The following KCNJ1 variants were observed in gnomAD, a reference collection of about 807,000 sequenced individuals.
The protein encoded by KCNJ1 is potassium inwardly rectifying channel subfamily J member 1, also known as ATP-sensitive inward rectifier potassium channel 1.
KCNJ1 carries 24 observed loss-of-function variants against 21.9 expected under a neutral mutation model. The ratio of observed to expected loss-of-function variants is 1.10; its 90% CI spans 0.79 to 1.54. The LOEUF (loss-of-function observed/expected upper bound fraction) is 1.54. Among genes scored for constraint, KCNJ1 ranks in the 40% most tolerant of loss-of-function variants. The pLI is 0.00. For missense variants in KCNJ1, 457 were observed against 455.4 expected (o/e 1.00, Z -0.03); for synonymous variants, 152 against 160.9 (o/e 0.94, Z 0.42).
At position 128,839,976 on chromosome 11, in the gene KCNJ1, G is replaced by A. The variant is rs747383448; in HGVS notation, c.268C>T (p.Leu90Phe). The A allele has an allele frequency of 6.2e-7, 1 of 1,614,156 alleles. No homozygotes were observed. Among genetic ancestry groups the A allele is most frequent in the South Asian group, 1.1e-5 (1 of 91,078 alleles). The change falls in exon 3 of 3, where the codon CTC becomes TTC. Residue 90 changes from leucine to phenylalanine, a missense_variant. Transcript: ENST00000392666. ...WYAVAYIHKD[L>F]PEFHPSANHT... ...TTGGCAGAAGGATGGAATTCCGGGA[G>A]GTCTTTGTGAATGTACGCTACTGCA...
rs142295169 is a variant in KCNJ1 at position 128,855,926 on chromosome 11, G to A, written c.-191-5036C>T. Among the ~76,000 whole-genome samples, 82 of 152,302 alleles carry A rather than the reference G, an allele frequency of 5.4e-4. 1 individual carries two copies. In the East Asian group the frequency reaches 0.014, roughly 25 times the overall value. The stretch of plus-strand genomic sequence containing the variant: ...GCTCTCACCTGCCAGACCCAAGGAC[G>A]GTACCACTGTGCCTGTGTGAGCTGC... On this transcript the variant is annotated intron_variant, in intron 1 of 2. Coordinates refer to ENST00000392666, the MANE Select transcript of KCNJ1 (RefSeq NM_153766.3).
At chr11:128,849,798 G>A (rs974037008) in intron 2 of KCNJ1, among the ~76,000 whole-genome samples, 1 of 152,152 alleles carries the variant, frequency 6.6e-6, no homozygotes, top group Admixed American at 6.5e-5. Context: ...GACATCTGTA[G>A]GCCTCTACAG....
Position 128,838,265 on chromosome 11 carries a change from CCT to C in KCNJ1, c.*858_*859del, listed in dbSNP as rs999142531. The stretch of plus-strand genomic sequence containing the variant: ...TCTGACTGTGGGGCTCCATCCCATT[CCT>C]CTCTCTTTCCCACTTCTTCTTTAGA... On this transcript the variant is annotated 3_prime_UTR_variant, in exon 3 of 3. Coordinates refer to ENST00000392666, the MANE Select transcript of KCNJ1 (RefSeq NM_153766.3). 4 of 152,614 alleles carry C rather than the reference CCT, an allele frequency of 2.6e-5. No individual in the cohort carries two copies. Among genetic ancestry groups the C allele is most frequent in the African/African-American group, 9.7e-5 (4 of 41,440 alleles). The allele number at this position is 152,614 out of a possible 1,614,324, so 9.5% of individuals were successfully genotyped here. A position where few individuals can be genotyped will look rare whatever the true frequency, so the allele number is the denominator to read the frequency against.
chr11:128,856,465 G>A (rs1591417858), intron 1 of KCNJ1, among the ~76,000 whole-genome samples: 1 of 152,330 alleles, frequency 6.6e-6, no homozygotes, highest in South Asian at 2.1e-4. Context: ...AGAGTGCAGG[G>A]CAGAGAGAGG....
At chr11:128,864,925 T>C (rs995259972) in intron 1 of KCNJ1, among the ~76,000 whole-genome samples, 1 of 151,966 alleles carries the variant, frequency 6.6e-6, no homozygotes, top group Non-Finnish European at 1.5e-5. Flanking sequence ...TTCCACAATG[T>C]AAATAAGATC....
At chr11:128,850,994 C>T (rs1296355550) in intron 1 of KCNJ1, 104 bp from the exon 2 acceptor site, 2 of 468,450 alleles carry the variant, frequency 4.3e-6, no homozygotes, top group African/African-American at 4.2e-5. Flanking sequence ...ACACACAGGA[C>T]CCTCCACATC....
chr11:128,858,588 G>C (rs958948662), intron 1 of KCNJ1, among the ~76,000 whole-genome samples: 5 of 152,236 alleles, frequency 3.3e-5, no homozygotes, highest in African/African-American at 4.8e-5. Context: ...CTTGAAACTA[G>C]TTCAGTTGGG....
intron 1 of KCNJ1, among the ~76,000 whole-genome samples, chr11:128,863,783 G>A (rs1184554862): frequency 6.6e-6 from 1 of 152,176 alleles, no homozygotes; most frequent in Non-Finnish European, 1.5e-5. Context: ...ATCCTCAATA[G>A]TTTTGAAGCG....
intron 1 of KCNJ1, among the ~76,000 whole-genome samples, chr11:128,858,732 T>G (rs1342942743): frequency 6.6e-6 from 1 of 152,210 alleles, no homozygotes; most frequent in African/African-American, 2.4e-5. Context: ...ACAGCATTAC[T>G]ATTCCCAGTG....
chr11:128,840,838 G>A (rs1943270659), intron 2 of KCNJ1, among the ~76,000 whole-genome samples: 1 of 152,110 alleles, frequency 6.6e-6, no homozygotes, highest in Non-Finnish European at 1.5e-5. Flanking sequence ...TTTATCAAAT[G>A]AGAAAACTGA....
At chr11:128,844,252 C>T (rs1943340815) in intron 2 of KCNJ1, among the ~76,000 whole-genome samples, 1 of 152,128 alleles carries the variant, frequency 6.6e-6, no homozygotes. Context: ...GGAAAGAAAA[C>T]ATGGGGGAGC....
At position 128,839,861 on chromosome 11, in the gene KCNJ1, C is replaced by T; in HGVS notation, c.383G>A (p.Arg128Lys). 1 of 1,614,136 alleles carries T rather than the reference C, an allele frequency of 6.2e-7. No homozygotes were observed. The highest frequency in any genetic ancestry group is 8.5e-7 in the Non-Finnish European group (1 of 1,180,018). The change falls in exon 3 of 3, where the codon AGG becomes AAG. Residue 128 changes from arginine (R) to lysine (K), a missense_variant. Transcript: ENST00000392666. ...ETQVTIGYGFRCVTEQCATAI... is the reference protein window; with the variant it reads ...ETQVTIGYGFKCVTEQCATAI... ...AGTGGCACACTGTTCTGTCACACAC[C>T]TGAATCCATATCCAATGGTCACTTG...
At position 128,839,739 on chromosome 11, in the gene KCNJ1, G is replaced by T. The variant is rs138120505; in HGVS notation, c.505C>A (p.Arg169Ser). 4 of 1,613,726 alleles carry T rather than the reference G, an allele frequency of 2.5e-6. No homozygotes were observed. The highest frequency in any genetic ancestry group is 1.1e-5 in the South Asian group (1 of 91,082). Residue 169 changes from arginine (R) to serine (S), a missense_variant, in exon 3 of 3, where the codon CGT (arginine) becomes AGT (serine). Arg to Ser is a moderately radical substitution (Grantham distance 110, BLOSUM62 -1). Coordinates refer to ENST00000392666, the MANE Select transcript of KCNJ1 (RefSeq NM_153766.3). Reference protein sequence around the residue: ...ILAKISRPKKRAKTITFSKNA... With the variant: ...ILAKISRPKKSAKTITFSKNA... ...TTGCTGAACGTAATGGTCTTGGCAC[G>T]TTTTTTGGGCCTGGAGATCTTGGCT...
intron 2 of KCNJ1, 107 bp from the exon 3 acceptor site, chr11:128,840,371 T>TTTTC: frequency 9.2e-7 from 1 of 1,082,978 alleles, no homozygotes; most frequent in Non-Finnish European, 1.4e-6. Context: ...CAAAATTATC[T>TTTTC]GGGTTACTAA....
chr11:128,841,026 G>A (rs1053736193), intron 2 of KCNJ1, among the ~76,000 whole-genome samples: 1 of 152,094 alleles, frequency 6.6e-6, no homozygotes, highest in Non-Finnish European at 1.5e-5. Flanking sequence ...GACAAGTATT[G>A]GTCATATTTC....
Position 128,839,914 on chromosome 11 carries a change from G to A in KCNJ1, c.330C>T (p.Thr110=), listed in dbSNP as rs1040902814. 1.5e-5 allele frequency: 24 copies of A among 1,614,074 alleles called. No individual in the cohort carries two copies. The highest frequency in any genetic ancestry group is 2.7e-5 in the African/African-American group (2 of 74,912). ...TCTCCAGAGAAAACAGAAAAGCTGA[G>A]GTCAAGCCATTAATATTCTCCACAC... ...TPCVENINGL[T]SAFLFSLETQ... The change falls in exon 3 of 3, where the codon ACC becomes ACT. Residue 110 remains threonine, a synonymous_variant. Coordinates refer to ENST00000392666, the MANE Select transcript of KCNJ1 (RefSeq NM_153766.3).
Position 128,839,518 on chromosome 11 carries a change from G to A in KCNJ1, c.726C>T (p.Phe242=), listed in dbSNP as rs1297744666. 1.9e-6 allele frequency: 3 copies of A among 1,614,048 alleles called. No homozygotes were observed. In the African/African-American group the frequency reaches 4.0e-5, roughly 22 times the overall value. The change falls in exon 3 of 3, where the codon TTC becomes TTT. Residue 242 remains phenylalanine (F), a synonymous_variant. Coordinates refer to ENST00000392666, the MANE Select transcript of KCNJ1 (RefSeq NM_153766.3). ...GGTAAATTGTCAATGGGGAGATGAA[G>A]AATAAATTTTCATTCCCAGCGTCAA... ...FVVDAGNENL[F]FISPLTIYHV...
At chr11:128,858,144 G>T (rs1943623320) in intron 1 of KCNJ1, among the ~76,000 whole-genome samples, 1 of 150,270 alleles carries the variant, frequency 6.7e-6, no homozygotes, top group Non-Finnish European at 1.5e-5. Context: ...GTGAGGGAAG[G>T]CGAGGGTTGG....
intron 1 of KCNJ1, among the ~76,000 whole-genome samples, 190 bp downstream of exon 1, chr11:128,866,983 A>G (rs1943829260): frequency 6.6e-6 from 1 of 152,162 alleles, no homozygotes; most frequent in Admixed American, 6.5e-5. Context: ...TGCAGCACAC[A>G]GCTAATAATC....
Sources: gnomAD v4.1 joint callset for allele counts (sites outside exome capture counted in the v4.1 genomes callset) on GRCh38, gnomAD v4.1.1 for gene constraint, MANE v1.5 for transcripts, NCBI Gene and HGNC (gene_info 2026-07-23, HGNC 2026-07-21) for gene names.